H3C7: variants seen among roughly 807,000 people sequenced by gnomAD.
The protein encoded by H3C7 is H3 clustered histone 7.
Under a neutral mutation model 7.6 loss-of-function variants are expected in H3C7, and 6 were observed. The ratio of observed to expected loss-of-function variants is 0.79; its 90% CI spans 0.43 to 1.56. The LOEUF is 1.56. Among genes scored for constraint, H3C7 ranks in the 40% most tolerant of loss-of-function variants. H3C7 has a pLI of 0.01. For missense variants in H3C7, 163 were observed against 189.8 expected (o/e 0.86, Z 0.83); for synonymous variants, 113 against 77.9 (o/e 1.45, Z -2.38).
In H3C7 at chr6:26,250,426, C is replaced by G; in HGVS notation, c.180G>C (p.Glu60Asp). 1 of 1,614,188 alleles carries G rather than the reference C, an allele frequency of 6.2e-7. No homozygotes were observed. Among genetic ancestry groups the G allele is most frequent in the Non-Finnish European group, 8.5e-7 (1 of 1,180,028 alleles). Residue 60 changes from glutamate (E) to aspartate (D), a missense_variant, in exon 1 of 1, where the codon GAG becomes GAC. Transcript: ENST00000618052. ...REIRRYQKST[E>D]LLIRKLPFQR... ...GGAATGGTAGCTTGCGAATCAGTAG[C>G]TCAGTCGATTTCTGATAGCGGCGGA...
rs141619512 is a variant in H3C7 at position 26,250,429 on chromosome 6, A to T, written c.177T>A (p.Thr59=). Residue 59 remains threonine (T), a synonymous_variant, in exon 1 of 1, where the codon ACT becomes ACA. Transcript: ENST00000618052. ...ATGGTAGCTTGCGAATCAGTAGCTC[A>T]GTCGATTTCTGATAGCGGCGGATTT... ...LREIRRYQKS[T]ELLIRKLPFQ... 3.1e-6 allele frequency: 5 copies of T among 1,614,020 alleles called. No individual in the cohort carries two copies. In the African/African-American group the frequency reaches 6.7e-5, roughly 22 times the overall value.
chr6:26,250,601 G>A lies in H3C7; in HGVS notation c.5C>T (p.Ala2Val), dbSNP rs761937041. 17 of 1,611,710 alleles carry A rather than the reference G, an allele frequency of 1.1e-5. No homozygotes were observed. In the East Asian group the frequency reaches 1.1e-4, roughly 11 times the overall value. The change falls in exon 1 of 1, where the codon GCA becomes GTA. Residue 2 changes from alanine to valine, a missense_variant. Coordinates refer to ENST00000618052, the MANE Select transcript of H3C7 (RefSeq NM_021018.3). ...CTTACGAGCTGTTTGCTTCGTGCGT[G>A]CCATAGGAATGGGTTTCAAGCAATG... M[A>V]RTKQTARKST...
chr6:26,250,456 A>G lies in H3C7; in HGVS notation c.150T>C (p.Arg50=). Residue 50 remains arginine, a synonymous_variant, in exon 1 of 1, where the codon CGT becomes CGC. Transcript: ENST00000618052. ...HRYRPGTVAL[R]EIRRYQKSTE... ...TCGATTTCTGATAGCGGCGGATTTC[A>G]CGGAGGGCGACAGTACCAGGCCTGT... The G allele has an allele frequency of 6.2e-7, 1 of 1,614,188 alleles. No homozygotes were observed. Among genetic ancestry groups the G allele is most frequent in the Non-Finnish European group, 8.5e-7 (1 of 1,180,020 alleles).
In H3C7 at chr6:26,250,241, G is replaced by A. The variant is rs766551981; in HGVS notation, c.365C>T (p.Pro122Leu). Reference sequence around the variant, plus strand: ...GCGGCGAGCGAGCTGGATGTCCTTGGGCATGATAGTCACTCGCTTGGCGTG... The same window carrying A: ...GCGGCGAGCGAGCTGGATGTCCTTGAGCATGATAGTCACTCGCTTGGCGTG... ...AIHAKRVTIM[P>L]KDIQLARRIR... The change falls in exon 1 of 1, where the codon CCC becomes CTC. Residue 122 changes from proline (P) to leucine (L), a missense_variant. Transcript: ENST00000618052. 6.2e-7 allele frequency: 1 copy of A among 1,614,238 alleles called. No homozygotes were observed. The highest frequency in any genetic ancestry group is 1.1e-5 in the South Asian group (1 of 91,088).
chr6:26,250,224 C>A lies in H3C7; in HGVS notation c.382G>T (p.Ala128Ser), dbSNP rs1760036513. 6.2e-7 allele frequency: 1 copy of A among 1,614,228 alleles called. No homozygotes were observed. The highest frequency in any genetic ancestry group is 8.5e-7 in the Non-Finnish European group (1 of 1,180,042). The change falls in exon 1 of 1, where the codon GCT becomes TCT. Residue 128 changes from alanine to serine, a missense_variant. By Grantham distance (99) the Ala-to-Ser change is moderately conservative (BLOSUM62 1). Around this residue, in one of 2 missense-constraint regions of H3C7, gnomAD observed 111 missense variants for 104.1 expected, o/e 1.07. Transcript: ENST00000618052. ...VTIMPKDIQL[A>S]RRIRGERA ...GCCCTCTCTCCGCGAATGCGGCGAG[C>A]GAGCTGGATGTCCTTGGGCATGATA...
Position 26,250,329 on chromosome 6 carries a change from G to C in H3C7, c.277C>G (p.Leu93Val). The change falls in exon 1 of 1, where the codon CTG (leucine) becomes GTG (valine). Residue 93 changes from leucine (L) to valine (V), a missense_variant. Physicochemically the swap from Leu to Val is conservative, Grantham distance 32. Around this residue, in one of 2 missense-constraint regions of H3C7, gnomAD observed 111 missense variants for 104.1 expected, o/e 1.07. Transcript: ENST00000618052. Reference protein sequence around the residue: ...LRFQSSAVMALQEACEAYLVG... With the variant: ...LRFQSSAVMAVQEACEAYLVG... The stretch of plus-strand genomic sequence containing the variant: ...AGGTAAGCCTCGCAGGCCTCCTGCA[G>C]CGCCATCACAGCCGAGCTCTGGAAG... 1 of 1,614,248 alleles carries C rather than the reference G, an allele frequency of 6.2e-7. No individual in the cohort carries two copies. The highest frequency in any genetic ancestry group is 1.6e-4 in the Middle Eastern group (1 of 6,062).
Position 26,250,212 on chromosome 6 carries a change from G to A in H3C7, c.394C>T (p.Arg132Cys). The A allele has an allele frequency of 6.2e-7, 1 of 1,614,224 alleles. No homozygotes were observed. Among genetic ancestry groups the A allele is most frequent in the Non-Finnish European group, 8.5e-7 (1 of 1,180,050 alleles). ...AGTACAACTTATGCCCTCTCTCCGC[G>A]AATGCGGCGAGCGAGCTGGATGTCC... ...PKDIQLARRI[R>C]GERA The change falls in exon 1 of 1, where the codon CGC becomes TGC. Residue 132 changes from arginine (R) to cysteine (C), a missense_variant. Arg to Cys is a radical substitution (Grantham distance 180). This residue lies in a region of H3C7 where 111 missense variants were observed against 104.1 expected (regional missense o/e 1.07). Transcript: ENST00000618052.
In H3C7 at chr6:26,250,157, A is replaced by G. The variant is rs1356761094; in HGVS notation, c.*38T>C. 1.2e-6 allele frequency: 2 copies of G among 1,609,462 alleles called. No individual in the cohort carries two copies. Among genetic ancestry groups the G allele is most frequent in the Non-Finnish European group, 1.7e-6 (2 of 1,177,612 alleles). ...TGAAATTGTTGGTGGCTCTGAAAAG[A>G]GCCTTTGGTTTAAGTTGGCGCACAC... On this transcript the variant is annotated 3_prime_UTR_variant, in exon 1 of 1. Coordinates refer to ENST00000618052, the MANE Select transcript of H3C7 (RefSeq NM_021018.3).
At position 26,250,381 on chromosome 6, in the gene H3C7, G is replaced by T. The variant is rs752843345; in HGVS notation, c.225C>A (p.Ile75=). ...KLPFQRLVRE[I]AQDFKTDLRF... Reference sequence around the variant, plus strand: ...GCAGGTCGGTCTTGAAGTCCTGCGCGATCTCACGTACCAGACGCTGGAATG... The same window carrying T: ...GCAGGTCGGTCTTGAAGTCCTGCGCTATCTCACGTACCAGACGCTGGAATG... The change falls in exon 1 of 1, where the codon ATC becomes ATA. Residue 75 remains isoleucine, a synonymous_variant. Coordinates refer to ENST00000618052, the MANE Select transcript of H3C7 (RefSeq NM_021018.3). 4 of 1,614,214 alleles carry T rather than the reference G, an allele frequency of 2.5e-6. No homozygotes were observed. The highest frequency in any genetic ancestry group is 2.2e-5 in the South Asian group (2 of 91,084).
rs1760043260 is a variant in H3C7, at chr6:26,250,475, G to A, written c.131C>T (p.Pro44Leu). Reference protein sequence around the residue: ...GGVKKPHRYRPGTVALREIRR... With the variant: ...GGVKKPHRYRLGTVALREIRR... The stretch of plus-strand genomic sequence containing the variant: ...GATTTCACGGAGGGCGACAGTACCA[G>A]GCCTGTAGCGGTGGGGCTTCTTCAC... Residue 44 changes from proline (P) to leucine (L), a missense_variant, in exon 1 of 1, where the codon CCT (proline) becomes CTT (leucine). Pro to Leu is a moderately conservative substitution (Grantham distance 98). Coordinates refer to ENST00000618052, the MANE Select transcript of H3C7 (RefSeq NM_021018.3). 1 of 1,614,108 alleles carries A rather than the reference G, an allele frequency of 6.2e-7. No homozygotes were observed. The highest frequency in any genetic ancestry group is 1.7e-5 in the Admixed American group (1 of 60,004).
Position 26,250,464 on chromosome 6 carries a change from C to A in H3C7, c.142G>T (p.Ala48Ser), listed in dbSNP as rs1334602572. Residue 48 changes from alanine (A) to serine (S), a missense_variant, in exon 1 of 1, where the codon GCC becomes TCC. Physicochemically the swap from Ala to Ser is moderately conservative, Grantham distance 99. Transcript: ENST00000618052. ...TGATAGCGGCGGATTTCACGGAGGG[C>A]GACAGTACCAGGCCTGTAGCGGTGG... ...KPHRYRPGTV[A>S]LREIRRYQKS... 2 of 1,614,200 alleles carry A rather than the reference C, an allele frequency of 1.2e-6. No homozygotes were observed. Among genetic ancestry groups the A allele is most frequent in the Middle Eastern group, 3.3e-4 (2 of 6,062 alleles).
chr6:26,250,623 A>T lies in H3C7; in HGVS notation c.-18T>A. 1 of 1,608,520 alleles carries T rather than the reference A, an allele frequency of 6.2e-7. No individual in the cohort carries two copies. The highest frequency in any genetic ancestry group is 8.5e-7 in the Non-Finnish European group (1 of 1,178,546). On this transcript the variant is annotated 5_prime_UTR_variant, in exon 1 of 1. Transcript: ENST00000618052. ...CGTGCCATAGGAATGGGTTTCAAGC[A>T]ATGGTCACAACTGAACAAACAGTTG...
chr6:26,250,210 G>A lies in H3C7; in HGVS notation c.396C>T (p.Arg132=), dbSNP rs761648195. ...TCAGTACAACTTATGCCCTCTCTCC[G>A]CGAATGCGGCGAGCGAGCTGGATGT... The part of the protein sequence containing the change: ...PKDIQLARRI[R]GERA Residue 132 remains arginine (R), a synonymous_variant, in exon 1 of 1, where the codon CGC becomes CGT. Coordinates refer to ENST00000618052, the MANE Select transcript of H3C7 (RefSeq NM_021018.3). 2.5e-6 allele frequency: 4 copies of A among 1,614,200 alleles called. No homozygotes were observed. Among genetic ancestry groups the A allele is most frequent in the South Asian group, 1.1e-5 (1 of 91,084 alleles).
chr6:26,250,227 G>C lies in H3C7; in HGVS notation c.379C>G (p.Leu127Val), dbSNP rs750167375. 1.9e-6 allele frequency: 3 copies of C among 1,614,148 alleles called. No homozygotes were observed. Among genetic ancestry groups the C allele is most frequent in the African/African-American group, 1.3e-5 (1 of 74,954 alleles). Residue 127 changes from leucine (L) to valine (V), a missense_variant, in exon 1 of 1, where the codon CTC becomes GTC. Physicochemically the swap from Leu to Val is conservative, Grantham distance 32 (BLOSUM62 1). Around this residue, in one of 2 missense-constraint regions of H3C7, gnomAD observed 111 missense variants for 104.1 expected, o/e 1.07. Transcript: ENST00000618052. ...RVTIMPKDIQLARRIRGERA is the reference protein window; with the variant it reads ...RVTIMPKDIQVARRIRGERA ...CTCTCTCCGCGAATGCGGCGAGCGA[G>C]CTGGATGTCCTTGGGCATGATAGTC...
chr6:26,250,181 A>T lies in H3C7; in HGVS notation c.*14T>A. On this transcript the variant is annotated 3_prime_UTR_variant, in exon 1 of 1. Coordinates refer to ENST00000618052, the MANE Select transcript of H3C7 (RefSeq NM_021018.3). Reference sequence around the variant, plus strand: ...GAGCCTTTGGTTTAAGTTGGCGCACACCCTCAGTACAACTTATGCCCTCTC... The same window carrying T: ...GAGCCTTTGGTTTAAGTTGGCGCACTCCCTCAGTACAACTTATGCCCTCTC... 1.2e-6 allele frequency: 2 copies of T among 1,613,302 alleles called. No homozygotes were observed. Among genetic ancestry groups the T allele is most frequent in the South Asian group, 2.2e-5 (2 of 90,988 alleles).
At position 26,250,364 on chromosome 6, in the gene H3C7, G is replaced by C. The variant is rs770778871; in HGVS notation, c.242C>G (p.Thr81Ser). 1 of 1,614,204 alleles carries C rather than the reference G, an allele frequency of 6.2e-7. No individual in the cohort carries two copies. The highest frequency in any genetic ancestry group is 1.1e-5 in the South Asian group (1 of 91,086). ...AGCCGAGCTCTGGAAGCGCAGGTCG[G>C]TCTTGAAGTCCTGCGCGATCTCACG... ...LVREIAQDFK[T>S]DLRFQSSAVM... The change falls in exon 1 of 1, where the codon ACC becomes AGC. Residue 81 changes from threonine to serine, a missense_variant. Coordinates refer to ENST00000618052, the MANE Select transcript of H3C7 (RefSeq NM_021018.3).
In H3C7 at chr6:26,250,480, G is replaced by C. The variant is rs763229395; in HGVS notation, c.126C>G (p.Tyr42Ter). The C allele has an allele frequency of 6.2e-7, 1 of 1,614,208 alleles. No homozygotes were observed. Among genetic ancestry groups the C allele is most frequent in the Non-Finnish European group, 8.5e-7 (1 of 1,180,038 alleles). ...CACGGAGGGCGACAGTACCAGGCCTGTAGCGGTGGGGCTTCTTCACGCCAC... is the reference window on the plus strand; with the variant it reads ...CACGGAGGGCGACAGTACCAGGCCTCTAGCGGTGGGGCTTCTTCACGCCAC... Reference protein sequence around the residue: ...ATGGVKKPHRYRPGTVALREI... With the variant: ...ATGGVKKPHR Residue 42 changes from tyrosine to a stop codon, truncating the protein, a stop_gained, in exon 1 of 1, where the codon TAC (tyrosine) becomes TAG (stop). Transcript: ENST00000618052. LOFTEE classifies it high-confidence loss of function.
chr6:26,250,256 C>T lies in H3C7; in HGVS notation c.350G>A (p.Arg117Gln), dbSNP rs1351044583. Residue 117 changes from arginine (R) to glutamine (Q), a missense_variant, in exon 1 of 1, where the codon CGA becomes CAA. This residue lies in a region of H3C7 where 111 missense variants were observed against 104.1 expected (regional missense o/e 1.07). Coordinates refer to ENST00000618052, the MANE Select transcript of H3C7 (RefSeq NM_021018.3). The part of the protein sequence containing the change: ...DTNLCAIHAK[R>Q]VTIMPKDIQL... ...GATGTCCTTGGGCATGATAGTCACT[C>T]GCTTGGCGTGGATAGCACACAGGTT... The T allele has an allele frequency of 3.1e-6, 5 of 1,614,126 alleles. No individual in the cohort carries two copies. Among genetic ancestry groups the T allele is most frequent in the Non-Finnish European group, 3.4e-6 (4 of 1,180,054 alleles).
Position 26,250,532 on chromosome 6 carries a change from G to A in H3C7, c.74C>T (p.Ala25Val). Residue 25 changes from alanine to valine, a missense_variant, in exon 1 of 1, where the codon GCG (alanine) becomes GTG (valine). Physicochemically the swap from Ala to Val is moderately conservative, Grantham distance 64 (BLOSUM62 0). Around this residue, in one of 2 missense-constraint regions of H3C7, gnomAD observed 52 missense variants for 85.7 expected, o/e 0.61. Transcript: ENST00000618052. Reference sequence around the variant, plus strand: ...GGTGGCTGGCGCGCTTTTGCGAGCCGCCTTAGTGGCCAGCTGCTTGCGCGG... The same window carrying A: ...GGTGGCTGGCGCGCTTTTGCGAGCCACCTTAGTGGCCAGCTGCTTGCGCGG... ...KAPRKQLATK[A>V]ARKSAPATGG... 1.2e-6 allele frequency: 2 copies of A among 1,614,024 alleles called. No individual in the cohort carries two copies. The highest frequency in any genetic ancestry group is 8.5e-7 in the Non-Finnish European group (1 of 1,180,004).
Sources: allele counts gnomAD v4.1 joint callset, GRCh38; gene constraint gnomAD v4.1.1; regional missense constraint gnomAD v4.1.1; transcripts MANE v1.5; gene names NCBI Gene and HGNC (gene_info 2026-07-23, HGNC 2026-07-21).